ARL8B: variants seen among roughly 807,000 people sequenced by gnomAD.
ARL8B encodes the protein ARF like GTPase 8B.
A neutral mutation model predicts 30.6 loss-of-function variants in ARL8B; 9 were observed. That is an observed-to-expected ratio of 0.29 (90% confidence interval 0.18 to 0.51). The LOEUF is 0.51. Among genes scored for constraint, ARL8B ranks in the 20% least tolerant of loss-of-function variants. The probability of loss-of-function intolerance (pLI) is 0.97; values close to 1 mark genes in which losing one functional copy is unlikely to be tolerated. For missense variants in ARL8B, 130 were observed against 227.2 expected (o/e 0.57, Z 2.75); for synonymous variants, 74 against 76.0 (o/e 0.97, Z 0.14).
At chr3:5,176,351 C>G (rs1052602935) in intron 6 of ARL8B, among the ~76,000 whole-genome samples, 2 of 152,126 alleles carry the variant, frequency 1.3e-5, no homozygotes, top group Non-Finnish European at 2.9e-5. Context: ...GTGCCTCAGC[C>G]TCCTGAGTAG....
intron 1 of ARL8B, among the ~76,000 whole-genome samples, chr3:5,139,839 G>C (rs897924824): frequency 1.3e-5 from 2 of 152,200 alleles, no homozygotes; most frequent in Non-Finnish European, 2.9e-5. Flanking sequence ...GAATGAGTCA[G>C]TTCAATTCCT....
Position 5,172,720 on chromosome 3 carries a change from C to G in ARL8B, c.352C>G (p.Pro118Ala), listed in dbSNP as rs1439476752. ...RNELHNLLDK[P>A]QLQGIPVLVL... The stretch of plus-strand genomic sequence containing the variant: ...TGAGCTACATAATCTTCTAGATAAA[C>G]CACAGTTACAAGGAATTCCAGTAAG... The change falls in exon 4 of 7, where the codon CCA becomes GCA. Residue 118 changes from proline (P) to alanine (A), a missense_variant. Transcript: ENST00000256496. 1 of 1,607,784 alleles carries G rather than the reference C, an allele frequency of 6.2e-7. No individual in the cohort carries two copies. The highest frequency in any genetic ancestry group is 8.5e-7 in the Non-Finnish European group (1 of 1,175,490).
intron 1 of ARL8B, among the ~76,000 whole-genome samples, chr3:5,151,103 A>G (rs1307122657): frequency 6.6e-6 from 1 of 152,098 alleles, no homozygotes; most frequent in African/African-American, 2.4e-5. Flanking sequence ...AATTTTAATT[A>G]TCTTTTTAGA....
intron 1 of ARL8B, among the ~76,000 whole-genome samples, chr3:5,145,128 C>T (rs2054407322): frequency 6.6e-6 from 1 of 152,078 alleles, no homozygotes; most frequent in Non-Finnish European, 1.5e-5. Flanking sequence ...CCACAAACAG[C>T]CTTATCCCAT....
chr3:5,132,588 A>G (rs1014656404), intron 1 of ARL8B, among the ~76,000 whole-genome samples: 1 of 152,168 alleles, frequency 6.6e-6, no homozygotes, highest in African/African-American at 2.4e-5. Flanking sequence ...CTTGTTTCTA[A>G]TAGTCTGTCC....
At chr3:5,128,181 AAAG>A (rs2054249273) in intron 1 of ARL8B, among the ~76,000 whole-genome samples, 1 of 151,870 alleles carries the variant, frequency 6.6e-6, no homozygotes, top group Admixed American at 6.6e-5. Context: ...AAAAAAAAAA[AAAG>A]CAGAAATAAT....
chr3:5,142,015 T>C (rs1472674966), intron 1 of ARL8B, among the ~76,000 whole-genome samples: 1 of 152,194 alleles, frequency 6.6e-6, no homozygotes, highest in Non-Finnish European at 1.5e-5. Context: ...TCAACATATA[T>C]ATTGACATTA....
chr3:5,156,175 T>G (rs369691234), intron 1 of ARL8B, among the ~76,000 whole-genome samples: 154 of 152,260 alleles, frequency 1.0e-3, no homozygotes, highest in African/African-American at 3.6e-3. Flanking sequence ...AGTGCTGGGA[T>G]TATAGGCGTC....
intron 1 of ARL8B, chr3:5,128,465 G>GA: frequency 2.2e-6 from 1 of 454,510 alleles, no homozygotes; most frequent in Non-Finnish European, 4.4e-6. Context: ...TGCAGACCAA[G>GA]AATCTTGAAA....
chr3:5,135,490 GCT>G (rs2054316611), intron 1 of ARL8B, among the ~76,000 whole-genome samples: 1 of 150,632 alleles, frequency 6.6e-6, no homozygotes, highest in Non-Finnish European at 1.5e-5. Context: ...ATGGATTCTC[GCT>G]CTGTCGCCCA....
At chr3:5,147,210 C>A (rs1249245426) in intron 1 of ARL8B, among the ~76,000 whole-genome samples, 2 of 152,152 alleles carry the variant, frequency 1.3e-5, no homozygotes, top group African/African-American at 4.8e-5. Context: ...TGATGTTCCC[C>A]ACCCTGTGTC....
intron 1 of ARL8B, among the ~76,000 whole-genome samples, chr3:5,155,480 A>G (rs2054523884): frequency 1.3e-5 from 2 of 151,926 alleles, no homozygotes; most frequent in African/African-American, 2.4e-5. Flanking sequence ...ATTTCTTCAA[A>G]TTATGTCTCT....
chr3:5,170,405 A>G, intron 1 of ARL8B, 98 bp from the exon 2 acceptor site: 1 of 704,868 alleles, frequency 1.4e-6, no homozygotes, highest in South Asian at 2.6e-5. Context: ...GTAAAAAAAT[A>G]TTTACTAAAA....
chr3:5,145,992 C>G (rs1160823822), intron 1 of ARL8B, among the ~76,000 whole-genome samples: 2 of 152,178 alleles, frequency 1.3e-5, no homozygotes, highest in Non-Finnish European at 2.9e-5. Context: ...CCTTGGCTCT[C>G]CTCTCCCCAG....
chr3:5,139,987 G>GTTTTTTTT (rs375903438), intron 1 of ARL8B, among the ~76,000 whole-genome samples: 1 of 130,040 alleles, frequency 7.7e-6, no homozygotes. Context: ...GATTAGTTTT[G>GTTTTTTTT]TTTTTTTTTT....
chr3:5,144,141 G>A (rs574776378), intron 1 of ARL8B, among the ~76,000 whole-genome samples: 1 of 152,252 alleles, frequency 6.6e-6, no homozygotes, highest in East Asian at 1.9e-4. Context: ...CCCATTGTCT[G>A]AATTAATATT....
chr3:5,167,282 G>A (rs1299173522), intron 1 of ARL8B, among the ~76,000 whole-genome samples: 2 of 152,144 alleles, frequency 1.3e-5, no homozygotes, highest in Non-Finnish European at 2.9e-5. Context: ...TAAGAAGGCA[G>A]GCATGAAAGC....
Position 5,122,578 on chromosome 3 carries a change from A to T in ARL8B, c.113A>T (p.Asn38Ile). ...LQYSGKTTFV[N>I]VIASGQFSED... ...TACTCGGGCAAGACCACCTTCGTCA[A>T]TGTCATCGCGGTGAGCGCCCGCCCA... The change falls in exon 1 of 7, where the codon AAT becomes ATT. Residue 38 changes from asparagine to isoleucine, a missense_variant. Coordinates refer to ENST00000256496, the MANE Select transcript of ARL8B (RefSeq NM_018184.3). The T allele has an allele frequency of 6.2e-7, 1 of 1,602,302 alleles. No homozygotes were observed. The highest frequency in any genetic ancestry group is 8.5e-7 in the Non-Finnish European group (1 of 1,172,486).
chr3:5,123,210 T>C (rs190435781), intron 1 of ARL8B, among the ~76,000 whole-genome samples: 6 of 152,214 alleles, frequency 3.9e-5, no homozygotes, highest in Non-Finnish European at 8.8e-5. Flanking sequence ...ATAGTATTTA[T>C]TAAGCTAAGA....
Sources: gnomAD v4.1 joint callset for allele counts (sites outside exome capture counted in the v4.1 genomes callset) on GRCh38, gnomAD v4.1.1 for gene constraint, MANE v1.5 for transcripts, NCBI Gene and HGNC (gene_info 2026-07-23, HGNC 2026-07-21) for gene names.